COG5: variants seen among roughly 807,000 people sequenced by gnomAD.
COG5 encodes the protein component of oligomeric golgi complex 5.
A neutral mutation model predicts 110.4 loss-of-function variants in COG5; 86 were observed. That is an observed-to-expected ratio of 0.78 (90% CI 0.65 to 0.93). The LOEUF is 0.93. Ranked by LOEUF, COG5 falls within the 40% of genes least tolerant of loss-of-function variation. COG5 has a pLI of 0.00. For missense variants in COG5, 1,077 were observed against 987.0 expected (o/e 1.09, Z -1.22); for synonymous variants, 360 against 334.6 (o/e 1.08, Z -0.83).
intron 6 of COG5, among the ~76,000 whole-genome samples, chr7:107,466,936 C>G (rs1796325425): frequency 6.6e-6 from 1 of 152,118 alleles, no homozygotes; most frequent in South Asian, 2.1e-4. Flanking sequence ...TTTTTATTTA[C>G]AAACTCAGAG....
chr7:107,369,791 A>G (rs1053556568), intron 8 of COG5, among the ~76,000 whole-genome samples: 2 of 152,188 alleles, frequency 1.3e-5, no homozygotes, highest in Non-Finnish European at 2.9e-5. Flanking sequence ...TAGAGATAAA[A>G]TTGATAAAAT....
chr7:107,446,313 G>C (rs1040233302), intron 6 of COG5, among the ~76,000 whole-genome samples: 1 of 152,106 alleles, frequency 6.6e-6, no homozygotes, highest in Non-Finnish European at 1.5e-5. Flanking sequence ...TGAATAACTG[G>C]AGTTTTAGAG....
intron 7 of COG5, among the ~76,000 whole-genome samples, chr7:107,388,323 A>C (rs1219953665): frequency 6.6e-6 from 1 of 152,212 alleles, no homozygotes; most frequent in Admixed American, 6.5e-5. Context: ...TTGCCTAGAG[A>C]ATCAACCCGG....
chr7:107,431,218 C>A (rs962354857), intron 6 of COG5, among the ~76,000 whole-genome samples: 1 of 152,088 alleles, frequency 6.6e-6, no homozygotes, highest in Admixed American at 6.6e-5. Context: ...CTAATACACC[C>A]AATACATCCT....
chr7:107,527,323 A>AT lies in COG5; in HGVS notation c.451dup (p.Ile151AsnfsTer6). On this transcript the variant is annotated frameshift_variant, in exon 6 of 22. Coordinates refer to ENST00000297135, the MANE Select transcript of COG5 (RefSeq NM_006348.5). LOFTEE classifies it high-confidence loss of function. ...TTGGAGTCTCTTACTGAGATTCAAG[A>AT]TACGAATAATCCTCCGAAGCAAATC... The AT allele has an allele frequency of 6.2e-7, 1 of 1,613,520 alleles. No individual in the cohort carries two copies. Among genetic ancestry groups the AT allele is most frequent in the Non-Finnish European group, 8.5e-7 (1 of 1,179,774 alleles).
At chr7:107,458,882 A>G (rs903264368) in intron 6 of COG5, among the ~76,000 whole-genome samples, 1 of 151,794 alleles carries the variant, frequency 6.6e-6, no homozygotes, top group Non-Finnish European at 1.5e-5. Flanking sequence ...ATATGTATAT[A>G]TAACAAATAT....
intron 14 of COG5, among the ~76,000 whole-genome samples, chr7:107,276,256 A>G (rs1345946731): frequency 6.6e-6 from 1 of 152,206 alleles, no homozygotes; most frequent in Non-Finnish European, 1.5e-5. Flanking sequence ...ATTTGCCTCC[A>G]AAGTTGATAT....
intron 10 of COG5, among the ~76,000 whole-genome samples, chr7:107,358,770 T>C (rs564878153): frequency 6.6e-6 from 1 of 152,202 alleles, no homozygotes; most frequent in East Asian, 2.0e-4. Context: ...TAAGCTCAAG[T>C]TGAGTTTTCC....
At chr7:107,350,194 A>G (rs1261145473) in intron 10 of COG5, among the ~76,000 whole-genome samples, 1 of 151,034 alleles carries the variant, frequency 6.6e-6, no homozygotes, top group Non-Finnish European at 1.5e-5. Context: ...TTATATTAAA[A>G]CCTCATTGGA....
chr7:107,316,396 G>C (rs941367350), intron 11 of COG5, among the ~76,000 whole-genome samples: 2 of 152,012 alleles, frequency 1.3e-5, no homozygotes, highest in African/African-American at 4.8e-5. Flanking sequence ...CTCAAAGGGA[G>C]GAAATAAGGC....
rs1798391829 is a variant in COG5 at position 107,202,311 on chromosome 7, A to AGTCTTCC, written c.*1204_*1205insGGAAGAC. On this transcript the variant is annotated 3_prime_UTR_variant, in exon 22 of 22. Transcript: ENST00000297135. Reference sequence around the variant, plus strand: ...CACTTTAATTTTCCTCCAACTGTCTAAAATTAGAGCAAATACATTGGCAAT... The same window carrying AGTCTTCC: ...CACTTTAATTTTCCTCCAACTGTCTAGTCTTCCAAATTAGAGCAAATACATTGGCAAT... The AGTCTTCC allele has an allele frequency of 1.3e-5, 2 of 152,628 alleles. No individual in the cohort carries two copies. Among genetic ancestry groups the AGTCTTCC allele is most frequent in the Non-Finnish European group, 2.9e-5 (2 of 68,030 alleles). 9.5% of individuals were successfully genotyped at this position (152,628 alleles called of 1,614,324 possible).
At chr7:107,313,055 G>C (rs1808422345) in intron 11 of COG5, among the ~76,000 whole-genome samples, 1 of 152,162 alleles carries the variant, frequency 6.6e-6, no homozygotes, top group Non-Finnish European at 1.5e-5. Flanking sequence ...AAGACCAGCT[G>C]TGGGGAAAGG....
At chr7:107,246,584 C>T (rs138113401) in intron 17 of COG5, among the ~76,000 whole-genome samples, 16 of 152,146 alleles carry the variant, frequency 1.1e-4, no homozygotes, top group East Asian at 1.9e-4. Flanking sequence ...CAAAAGAAGA[C>T]GAAGACATAC....
At chr7:107,495,107 A>G (rs886951845) in intron 6 of COG5, among the ~76,000 whole-genome samples, 16 of 152,180 alleles carry the variant, frequency 1.1e-4, no homozygotes, top group African/African-American at 3.9e-4. Flanking sequence ...TCAGACTGAT[A>G]GCATTCCCTA....
At chr7:107,221,693 A>G (rs1455684432) in intron 19 of COG5, among the ~76,000 whole-genome samples, 3 of 150,664 alleles carry the variant, frequency 2.0e-5, no homozygotes, top group East Asian at 4.0e-4. Context: ...TGAACCTGGG[A>G]GGCAGAGCTT....
At position 107,512,661 on chromosome 7, in the gene COG5, A is replaced by G. The variant is rs985089069; in HGVS notation, c.538+14576T>C. ...ACTTCAAACTATACTACAAGGCTAC[A>G]GTAACCAAAGCAGCATGGTACTGGT... is the stretch of plus-strand genomic sequence containing the variant. On this transcript the variant is annotated intron_variant, in intron 6 of 21. Transcript: ENST00000297135. Among the ~76,000 whole-genome samples the G allele has an allele frequency of 2.0e-5, 3 of 152,370 alleles. No homozygotes were observed. The East Asian group carries it at 5.8e-4, about 29-fold the overall frequency.
rs1798392631 is a variant in COG5 at position 107,202,317 on chromosome 7, AGAG to A, written c.*1196_*1198del. 6.6e-6 allele frequency: 1 copy of A among 152,662 alleles called. No homozygotes were observed. Among genetic ancestry groups the A allele is most frequent in the Non-Finnish European group, 1.5e-5 (1 of 68,034 alleles). The allele number at this position is 152,662 out of a possible 1,614,324, so 9.5% of individuals were successfully genotyped here. A position where few individuals can be genotyped will look rare whatever the true frequency, so the allele number is the denominator to read the frequency against. ...AATTTTCCTCCAACTGTCTAAAATT[AGAG>A]CAAATACATTGGCAATACAGCTGCT... is the stretch of plus-strand genomic sequence containing the variant. On this transcript the variant is annotated 3_prime_UTR_variant, in exon 22 of 22. Transcript: ENST00000297135.
chr7:107,403,698 A>G (rs1012464962), intron 7 of COG5, among the ~76,000 whole-genome samples: 1 of 152,082 alleles, frequency 6.6e-6, no homozygotes, highest in African/African-American at 2.4e-5. Flanking sequence ...GTAAGTGCAA[A>G]AAGTCTTTTA....
chr7:107,236,667 T>A lies in COG5; in HGVS notation c.1874A>T (p.Lys625Ile). ...DFSGSLSSSGKPDVPCSLYMK... is the reference protein window; with the variant it reads ...DFSGSLSSSGIPDVPCSLYMK... ...GTACAGAGAACAAGGAACATCAGGT[T>A]TTCCTGAGCTGGATAATGACCTGTA... The change falls in exon 18 of 22, where the codon AAA becomes ATA. Residue 625 changes from lysine (K) to isoleucine (I), a missense_variant. Transcript: ENST00000297135. The A allele has an allele frequency of 6.2e-7, 1 of 1,613,794 alleles. No individual in the cohort carries two copies. Among genetic ancestry groups the A allele is most frequent in the Middle Eastern group, 1.6e-4 (1 of 6,062 alleles).
Sources: allele counts gnomAD v4.1 joint callset (sites outside exome capture counted in the v4.1 genomes callset), GRCh38; gene constraint gnomAD v4.1.1; transcripts MANE v1.5; gene names NCBI Gene and HGNC (gene_info 2026-07-23, HGNC 2026-07-21).